The following NCKAP5 variants were observed in gnomAD, a reference collection of about 807,000 sequenced individuals.
The protein encoded by NCKAP5 is nck-associated protein 5.
NCKAP5 carries 92 observed loss-of-function variants against 167.0 expected under a neutral mutation model. The observed-to-expected ratio is 0.55, with a 90% CI of 0.47 to 0.66. The LOEUF (loss-of-function observed/expected upper bound fraction) is 0.66. Ranked by LOEUF, NCKAP5 falls within the 30% of genes least tolerant of loss-of-function variation. The pLI is 0.00. For missense variants in NCKAP5, 2,378 were observed against 2,315.0 expected (o/e 1.03, Z -0.56); for synonymous variants, 891 against 877.4 (o/e 1.02, Z -0.27).
At chr2:133,006,218 T>C (rs1267566476) in intron 6 of NCKAP5, among the ~76,000 whole-genome samples, 4 of 152,096 alleles carry the variant, frequency 2.6e-5, no homozygotes, top group African/African-American at 4.8e-5. Flanking sequence ...GAGATTACAC[T>C]ACTGCACTCC....
intron 5 of NCKAP5, among the ~76,000 whole-genome samples, chr2:133,183,058 A>T (rs892297962): frequency 6.6e-6 from 1 of 152,084 alleles, no homozygotes; most frequent in Admixed American, 6.6e-5. Context: ...AACTCACCCA[A>T]TAAGAAACAG....
intron 13 of NCKAP5, 25 bp from the exon 14 acceptor site, chr2:132,785,743 A>C: frequency 6.8e-7 from 1 of 1,471,478 alleles, no homozygotes; most frequent in Non-Finnish European, 9.0e-7. Flanking sequence ...TAGACATCAG[A>C]AATGATTGAA....
intron 3 of NCKAP5, among the ~76,000 whole-genome samples, chr2:133,409,561 T>C (rs1184817165): frequency 6.6e-6 from 1 of 152,200 alleles, no homozygotes; most frequent in Non-Finnish European, 1.5e-5. Context: ...GAGATACAAG[T>C]TGAGACCAGT....
chr2:132,719,868 G>A (rs891289162), intron 19 of NCKAP5, among the ~76,000 whole-genome samples: 6 of 152,196 alleles, frequency 3.9e-5, no homozygotes, highest in East Asian at 3.8e-4. Flanking sequence ...GAACCTGGGA[G>A]GCAGAGCAGA....
At position 132,783,141 on chromosome 2, in the gene NCKAP5, G is replaced by A. The variant is rs72847214; in HGVS notation, c.3670C>T (p.Pro1224Ser). 20,378 of 1,613,562 alleles carry A rather than the reference G, an allele frequency of 0.013. 177 individuals are homozygous for A. The highest frequency in any genetic ancestry group is 0.015 in the Non-Finnish European group (17,799 of 1,179,718). ...GGCTCTTGTAGTGCTGTTTCCAGGG[G>A]AAGCCCATCAGCTAAACTGCCCTGT... Reference protein sequence around the residue: ...QAQGSLADGLPLETALQEPLE... With the variant: ...QAQGSLADGLSLETALQEPLE... The change falls in exon 14 of 20, where the codon CCC (proline) becomes TCC (serine). Residue 1224 changes from proline to serine, a missense_variant. Around this residue, in one of 3 missense-constraint regions of NCKAP5, gnomAD observed 1,325 missense variants for 1,274.5 expected, o/e 1.04. Transcript: ENST00000409261.
At chr2:133,088,761 T>G (rs1392524371) in intron 6 of NCKAP5, among the ~76,000 whole-genome samples, 1 of 152,160 alleles carries the variant, frequency 6.6e-6, no homozygotes, top group African/African-American at 2.4e-5. Flanking sequence ...AAAAGGGAAG[T>G]CATCTGTAAT....
chr2:132,916,374 C>A (rs1297852855), intron 8 of NCKAP5, among the ~76,000 whole-genome samples: 1 of 151,952 alleles, frequency 6.6e-6, no homozygotes, highest in Non-Finnish European at 1.5e-5. Flanking sequence ...GCCACTGTTA[C>A]AAACGGATCA....
chr2:133,254,624 C>T (rs190132694), intron 4 of NCKAP5, among the ~76,000 whole-genome samples: 22 of 152,248 alleles, frequency 1.4e-4, no homozygotes, highest in African/African-American at 4.6e-4. Flanking sequence ...CTATGGGTTT[C>T]GTCCTTCACA....
At chr2:133,003,781 A>G (rs6739046) in intron 6 of NCKAP5, among the ~76,000 whole-genome samples, 2,243 of 152,324 alleles carry the variant, frequency 0.015, 48 homozygotes, top group African/African-American at 0.051. Context: ...TGAGGATGCA[A>G]GAGCATTCAT....
intron 6 of NCKAP5, among the ~76,000 whole-genome samples, chr2:133,020,778 C>G (rs1194676689): frequency 2.0e-5 from 3 of 152,172 alleles, no homozygotes; most frequent in Non-Finnish European, 1.5e-5. Flanking sequence ...TCTACCCTAC[C>G]ACATCAGGGA....
chr2:133,246,973 C>T (rs957966970), intron 4 of NCKAP5, among the ~76,000 whole-genome samples: 2 of 152,180 alleles, frequency 1.3e-5, no homozygotes, highest in African/African-American at 4.8e-5. Context: ...TTTTCAATAA[C>T]ATGAAATGAG....
the NCKAP5 span, among the ~76,000 whole-genome samples, chr2:133,595,524 A>C: frequency 6.6e-6 from 1 of 150,950 alleles, no homozygotes; most frequent in South Asian, 2.1e-4. Context: ...AAGATGGCAA[A>C]GCAGGAAACT....
the NCKAP5 span, among the ~76,000 whole-genome samples, chr2:133,614,750 C>T: frequency 6.6e-6 from 1 of 151,934 alleles, no homozygotes; most frequent in South Asian, 2.1e-4. Flanking sequence ...GGAGAACTTC[C>T]CCAATCTAGC....
the NCKAP5 span, among the ~76,000 whole-genome samples, chr2:133,647,748 G>GGAAGGAAGGAAGGAAGGAAGGAAA: frequency 7.0e-6 from 1 of 143,564 alleles, no homozygotes; most frequent in Non-Finnish European, 1.5e-5. Context: ...AAGGAAGGAA[G>GGAAGGAAGGAAGGAAGGAAGGAAA]GAAAGAAAAG....
intron 7 of NCKAP5, among the ~76,000 whole-genome samples, chr2:132,989,325 TC>T (rs796370854): frequency 3.4e-4 from 52 of 152,302 alleles, no homozygotes; most frequent in African/African-American, 1.3e-3. Context: ...TAACATAAGT[TC>T]CCTAATTTAC....
Position 133,332,911 on chromosome 2 carries a change from C to T in NCKAP5, c.70-29801G>A, listed in dbSNP as rs1004033767. 2.6e-5 allele frequency among the ~76,000 whole-genome samples: 4 copies of T among 152,320 alleles called. No individual in the cohort carries two copies. In the East Asian group the frequency reaches 7.7e-4, roughly 29 times the overall value. On this transcript the variant is annotated intron_variant, in intron 3 of 19. Coordinates refer to ENST00000409261, the MANE Select transcript of NCKAP5 (RefSeq NM_207363.3). The stretch of plus-strand genomic sequence containing the variant: ...AGCTGTGGACTAAGCCCTTCACGGG[C>T]AAATCCATCACTGTAGAGGTATACT...
intron 6 of NCKAP5, among the ~76,000 whole-genome samples, chr2:133,027,382 G>A (rs1185393587): frequency 6.6e-6 from 1 of 152,150 alleles, no homozygotes; most frequent in Non-Finnish European, 1.5e-5. Context: ...CCCATTTTAA[G>A]TGCTTTGCAT....
chr2:133,207,672 A>G (rs1245872087), intron 5 of NCKAP5, among the ~76,000 whole-genome samples: 6 of 151,516 alleles, frequency 4.0e-5, no homozygotes, highest in Non-Finnish European at 8.8e-5. Context: ...CAACAACAAC[A>G]ACAAAAAACA....
chr2:132,878,857 A>G lies in NCKAP5; in HGVS notation c.639T>C (p.Cys213=). 6.2e-7 allele frequency: 1 copy of G among 1,613,374 alleles called. No homozygotes were observed. Among genetic ancestry groups the G allele is most frequent in the African/African-American group, 1.3e-5 (1 of 75,022 alleles). The change falls in exon 9 of 20, where the codon TGT becomes TGC. Residue 213 remains cysteine, a synonymous_variant. Coordinates refer to ENST00000409261, the MANE Select transcript of NCKAP5 (RefSeq NM_207363.3). ...TCTCCATCCCCCTTACCTCATCAAG[A>G]CATCGCTCATATTGTTCCCTTTGAT... ...NENQREQYER[C]LDEVANQVVQ...
Sources: allele counts gnomAD v4.1 joint callset (sites outside exome capture counted in the v4.1 genomes callset), GRCh38; gene constraint gnomAD v4.1.1; regional missense constraint gnomAD v4.1.1; transcripts MANE v1.5; gene names NCBI Gene and HGNC (gene_info 2026-07-23, HGNC 2026-07-21).